The following KCNQ5 variants were observed in gnomAD, a reference collection of about 807,000 sequenced individuals.
KCNQ5 encodes potassium voltage-gated channel subfamily KQT member 5.
KCNQ5 carries 30 observed loss-of-function variants against 98.2 expected under a neutral mutation model. That is an observed-to-expected ratio of 0.31 (90% CI 0.23 to 0.41). The LOEUF is 0.41. KCNQ5 is among the 10% of genes least tolerant of loss of function. KCNQ5 has a pLI of 1.00. For missense variants in KCNQ5, 835 were observed against 1,182.5 expected, an observed-to-expected ratio of 0.71 and a Z score of 4.31; for synonymous variants, 458 against 449.4, an observed-to-expected ratio of 1.02 and a Z score of -0.24.
At position 73,053,252 on chromosome 6, in the gene KCNQ5, T is replaced by C. The variant is rs374908207; in HGVS notation, c.616+11190T>C. 2.6e-5 allele frequency among the ~76,000 whole-genome samples: 4 copies of C among 152,248 alleles called. No homozygotes were observed. The East Asian group carries it at 5.8e-4, about 22-fold the overall frequency. On this transcript the variant is annotated intron_variant, in intron 3 of 13. Transcript: ENST00000370398. Reference sequence around the variant, plus strand: ...GGAGCACCCAAATTCATAGAGCAAGTTTTTAGACACCCACAAAGAGATTTA... The same window carrying C: ...GGAGCACCCAAATTCATAGAGCAAGCTTTTAGACACCCACAAAGAGATTTA...
At chr6:72,983,398 C>T (rs1768572822) in intron 1 of KCNQ5, among the ~76,000 whole-genome samples, 1 of 151,996 alleles carries the variant, frequency 6.6e-6, no homozygotes, top group Non-Finnish European at 1.5e-5. Context: ...CTAAACTTCT[C>T]TTCTCACTTC....
intron 10 of KCNQ5, among the ~76,000 whole-genome samples, chr6:73,150,629 G>A (rs1294421175): frequency 6.6e-6 from 1 of 150,622 alleles, no homozygotes; most frequent in African/African-American, 2.4e-5. Flanking sequence ...ATAGGCAAAA[G>A]GTTAAACATA....
At chr6:72,853,041 G>T (rs995896905) in intron 1 of KCNQ5, among the ~76,000 whole-genome samples, 9 of 152,070 alleles carry the variant, frequency 5.9e-5, no homozygotes, top group Non-Finnish European at 1.2e-4. Flanking sequence ...TTTTCCTGGA[G>T]AATTGATTAT....
At chr6:73,084,469 A>T (rs4708020) in intron 5 of KCNQ5, among the ~76,000 whole-genome samples, 1 of 152,160 alleles carries the variant, frequency 6.6e-6, no homozygotes, top group Admixed American at 6.5e-5. Context: ...TGATAATAGC[A>T]ACCTGCCCTT....
intron 1 of KCNQ5, among the ~76,000 whole-genome samples, chr6:72,961,472 A>G (rs887539403): frequency 6.6e-6 from 1 of 152,046 alleles, no homozygotes; most frequent in African/African-American, 2.4e-5. Flanking sequence ...AGAAAAAAAA[A>G]TTAGCCGGGC....
chr6:72,817,233 A>G (rs559948492), intron 1 of KCNQ5, among the ~76,000 whole-genome samples: 7 of 152,350 alleles, frequency 4.6e-5, no homozygotes, highest in Admixed American at 2.0e-4. Flanking sequence ...TGGCATAAAC[A>G]TACCTTCACA....
intron 10 of KCNQ5, among the ~76,000 whole-genome samples, chr6:73,162,229 C>T (rs969754224): frequency 3.9e-5 from 6 of 151,998 alleles, no homozygotes; most frequent in Non-Finnish European, 7.4e-5. Context: ...ACCCAGCCAG[C>T]TTAGCTCTTT....
chr6:72,635,670 G>GTTT lies in KCNQ5; in HGVS notation c.398+13105_398+13107dup, dbSNP rs528990234. Among the ~76,000 whole-genome samples the GTTT allele has an allele frequency of 3.9e-3, 255 of 65,028 alleles. 4 individuals are homozygous for GTTT. The highest frequency in any genetic ancestry group is 8.1e-3 in the East Asian group (18 of 2,216). The allele number at this position is 65,028 out of a possible 152,430, so 42.7% of individuals were successfully genotyped here. ...TTTTCTTCCAGTTAAATTGCTCCTA[G>GTTT]TTTTTTTTTTTTTTTTTTTTTTTTC... On this transcript the variant is annotated intron_variant, in intron 1 of 13. Transcript: ENST00000370398.
intron 1 of KCNQ5, among the ~76,000 whole-genome samples, chr6:72,846,063 T>C (rs946490666): frequency 2.6e-5 from 4 of 152,194 alleles, no homozygotes; most frequent in Admixed American, 2.0e-4. Context: ...ACTCTGCTTA[T>C]TAACATCAGC....
intron 5 of KCNQ5, among the ~76,000 whole-genome samples, chr6:73,096,175 GA>G (rs1471520813): frequency 6.6e-6 from 1 of 152,098 alleles, no homozygotes; most frequent in Admixed American, 6.6e-5. Flanking sequence ...CCGGATGGGA[GA>G]AAGATGTAGG....
At chr6:72,745,573 T>A (rs1771354729) in intron 1 of KCNQ5, among the ~76,000 whole-genome samples, 1 of 152,200 alleles carries the variant, frequency 6.6e-6, no homozygotes, top group South Asian at 2.1e-4. Context: ...ATATTTTTGT[T>A]TGAAATTAAA....
chr6:72,943,191 A>T (rs1194621974), intron 1 of KCNQ5, among the ~76,000 whole-genome samples: 2 of 152,186 alleles, frequency 1.3e-5, no homozygotes, highest in Non-Finnish European at 2.9e-5. Flanking sequence ...CGCCTCTTAT[A>T]CTGTCGCTGA....
intron 1 of KCNQ5, among the ~76,000 whole-genome samples, chr6:72,831,293 G>A (rs537071678): frequency 6.6e-5 from 10 of 152,138 alleles, no homozygotes; most frequent in East Asian, 1.9e-4. Flanking sequence ...TGTTTATTGC[G>A]GAACTATTCA....
chr6:72,628,345 A>G (rs2098919035), intron 1 of KCNQ5, among the ~76,000 whole-genome samples: 1 of 152,178 alleles, frequency 6.6e-6, no homozygotes, highest in African/African-American at 2.4e-5. Context: ...TCTGTAAGTC[A>G]TTTCACACAT....
At position 72,735,602 on chromosome 6, in the gene KCNQ5, A is replaced by G. The variant is rs182998947; in HGVS notation, c.398+113015A>G. 6.1e-3 allele frequency among the ~76,000 whole-genome samples: 924 copies of G among 152,118 alleles called. 8 individuals carry two copies. The highest frequency in any genetic ancestry group is 8.0e-3 in the Non-Finnish European group (546 of 67,930). ...ATCTTAATTTTTAGAACTATTTTTC[A>G]TTTTTTTCAAAACTTAAAGTTTTGA... On this transcript the variant is annotated intron_variant, in intron 1 of 13. Coordinates refer to ENST00000370398, the MANE Select transcript of KCNQ5 (RefSeq NM_019842.4).
chr6:73,055,816 G>C, intron 3 of KCNQ5: 4 of 798,058 alleles, frequency 5.0e-6, no homozygotes, highest in Non-Finnish European at 8.7e-6. Flanking sequence ...CATGTGCAAA[G>C]CCATGGAAGT....
At chr6:72,719,106 C>G (rs373803620) in intron 1 of KCNQ5, among the ~76,000 whole-genome samples, 1 of 152,180 alleles carries the variant, frequency 6.6e-6, no homozygotes, top group East Asian at 1.9e-4. Flanking sequence ...AGATATAATT[C>G]TACTTCCTTA....
At chr6:72,892,517 C>T (rs1353149730) in intron 1 of KCNQ5, among the ~76,000 whole-genome samples, 5 of 152,122 alleles carry the variant, frequency 3.3e-5, no homozygotes, top group Non-Finnish European at 7.3e-5. Context: ...CTGGCAGATT[C>T]GGAGATTTCA....
chr6:72,736,709 C>T (rs9442839), intron 1 of KCNQ5, among the ~76,000 whole-genome samples: 53,162 of 148,564 alleles, frequency 0.36, 12,891 homozygotes, highest in African/African-American at 0.67. Context: ...CCGTTTTAGC[C>T]GGGATGGTCT....
Sources: gnomAD v4.1 joint callset for allele counts (sites outside exome capture counted in the v4.1 genomes callset) on GRCh38, gnomAD v4.1.1 for gene constraint, MANE v1.5 for transcripts, NCBI Gene and HGNC (gene_info 2026-07-23, HGNC 2026-07-21) for gene names.